SGCZ: variants seen among roughly 807,000 people sequenced by gnomAD.
SGCZ encodes the protein sarcoglycan zeta.
SGCZ carries 40 observed loss-of-function variants against 41.3 expected under a neutral mutation model. The observed-to-expected ratio is 0.97, with a 90% confidence interval of 0.75 to 1.26. The LOEUF (loss-of-function observed/expected upper bound fraction) is 1.26, where lower values mean the gene tolerates loss of function less well. Among genes scored for constraint, SGCZ ranks in the 50% most tolerant of loss-of-function variants. The pLI, the probability that SGCZ is intolerant of heterozygous loss-of-function variation, is 0.00. For synonymous variants in SGCZ, 206 were observed against 137.5 expected (o/e 1.50, Z -3.49); for missense variants, 552 against 369.8 (o/e 1.49, Z -4.04).
chr8:14,896,089 C>T (rs140385654), intron 1 of SGCZ, among the ~76,000 whole-genome samples: 1 of 152,166 alleles, frequency 6.6e-6, no homozygotes, highest in Non-Finnish European at 1.5e-5. Context: ...TCATTAAAAT[C>T]AACTAGTTTT....
At chr8:14,595,441 A>ACACACACC (rs1223345084) in intron 1 of SGCZ, among the ~76,000 whole-genome samples, 3 of 148,132 alleles carry the variant, frequency 2.0e-5, no homozygotes, top group African/African-American at 7.5e-5. Flanking sequence ...ACACACACAC[A>ACACACACC]CCATGTACTG....
At chr8:14,618,365 T>A (rs1005310570) in intron 1 of SGCZ, among the ~76,000 whole-genome samples, 2 of 152,052 alleles carry the variant, frequency 1.3e-5, no homozygotes, top group African/African-American at 4.8e-5. Flanking sequence ...AGAACGGAAT[T>A]AGAACTGGGA....
intron 1 of SGCZ, among the ~76,000 whole-genome samples, chr8:14,863,113 C>T (rs1264970915): frequency 6.6e-6 from 1 of 152,114 alleles, no homozygotes; most frequent in East Asian, 1.9e-4. Context: ...GAAACACTGA[C>T]TTGCCTTAGG....
At chr8:14,333,793 T>C (rs1264300239) in intron 2 of SGCZ, among the ~76,000 whole-genome samples, 1 of 152,120 alleles carries the variant, frequency 6.6e-6, no homozygotes, top group East Asian at 1.9e-4. Flanking sequence ...GAATTATTCA[T>C]ATTTTACCAA....
intron 2 of SGCZ, among the ~76,000 whole-genome samples, chr8:14,476,718 C>T (rs1034569828): frequency 1.3e-5 from 2 of 152,116 alleles, no homozygotes; most frequent in African/African-American, 4.8e-5. Flanking sequence ...GGTGAGATAG[C>T]TATTAAGATT....
At chr8:14,726,341 T>TATATATATATATATATAA (rs1426005706) in intron 1 of SGCZ, among the ~76,000 whole-genome samples, 3 of 144,534 alleles carry the variant, frequency 2.1e-5, no homozygotes, top group Non-Finnish European at 4.5e-5. Flanking sequence ...TATATATATA[T>TATATATATATATATATAA]AAAATTAGAT....
intron 7 of SGCZ, 144 bp downstream of exon 7, chr8:14,102,232 C>A: frequency 1.1e-6 from 1 of 927,776 alleles, no homozygotes; most frequent in East Asian, 3.2e-5. Context: ...ATATGGTAAC[C>A]TAATATTACT....
intron 2 of SGCZ, among the ~76,000 whole-genome samples, chr8:14,527,388 A>G (rs10098368): frequency 0.07 from 10,593 of 152,144 alleles, 668 homozygotes; most frequent in African/African-American, 0.17. Flanking sequence ...TGCAACCTCA[A>G]ACTCCTGGGC....
intron 3 of SGCZ, among the ~76,000 whole-genome samples, chr8:14,266,621 T>A (rs950637855): frequency 6.6e-6 from 1 of 152,000 alleles, no homozygotes; most frequent in Non-Finnish European, 1.5e-5. Context: ...GATCACGATG[T>A]GAAAATGTAG....
At chr8:14,331,132 T>C (rs566970235) in intron 2 of SGCZ, among the ~76,000 whole-genome samples, 135 of 151,916 alleles carry the variant, frequency 8.9e-4, no homozygotes, top group African/African-American at 3.1e-3. Flanking sequence ...CGAGACAACT[T>C]GGAGTTTGGT....
At chr8:14,429,751 C>T (rs933616079) in intron 2 of SGCZ, among the ~76,000 whole-genome samples, 3 of 149,786 alleles carry the variant, frequency 2.0e-5, no homozygotes, top group Non-Finnish European at 3.0e-5. Flanking sequence ...TGATCTCGGC[C>T]AGCATATTTA....
chr8:14,285,568 G>T (rs1160129203), intron 3 of SGCZ, among the ~76,000 whole-genome samples: 1 of 103,940 alleles, frequency 9.6e-6, no homozygotes, highest in Non-Finnish European at 2.0e-5. Flanking sequence ...TATCTAAAGT[G>T]TTGATTTTTA....
At chr8:14,903,322 G>A (rs17654609) in intron 1 of SGCZ, among the ~76,000 whole-genome samples, 1 of 152,084 alleles carries the variant, frequency 6.6e-6, no homozygotes, top group Non-Finnish European at 1.5e-5. Context: ...TGCAGCAGCA[G>A]AGAAATTTTA....
chr8:14,330,168 A>G (rs987845104), intron 2 of SGCZ, among the ~76,000 whole-genome samples: 2 of 152,116 alleles, frequency 1.3e-5, no homozygotes, highest in Non-Finnish European at 2.9e-5. Context: ...ATTTTAGTTA[A>G]CTGTGTATAC....
intron 1 of SGCZ, among the ~76,000 whole-genome samples, chr8:14,708,812 A>T (rs1233918675): frequency 5.4e-5 from 8 of 148,694 alleles, no homozygotes; most frequent in East Asian, 2.0e-4. Flanking sequence ...GTTTTATTCG[A>T]GTGTGTGTGT....
At chr8:14,329,955 A>C (rs1802255474) in intron 2 of SGCZ, among the ~76,000 whole-genome samples, 1 of 152,054 alleles carries the variant, frequency 6.6e-6, no homozygotes, top group South Asian at 2.1e-4. Context: ...TTTGCCATCA[A>C]AATTTCTTGA....
At chr8:15,147,417 T>C (rs1276396382) in intron 1 of SGCZ, among the ~76,000 whole-genome samples, 6 of 152,154 alleles carry the variant, frequency 3.9e-5, no homozygotes, top group African/African-American at 7.2e-5. Context: ...TAACTGGGAT[T>C]ACAGGCATGC....
intron 7 of SGCZ, among the ~76,000 whole-genome samples, chr8:14,094,991 G>GTAAC (rs1801799089): frequency 6.7e-6 from 1 of 148,174 alleles, no homozygotes; most frequent in South Asian, 2.1e-4. Flanking sequence ...TTTTTTTCTT[G>GTAAC]TAACTTTAAG....
intron 1 of SGCZ, among the ~76,000 whole-genome samples, chr8:15,141,248 TA>T (rs1362113583): frequency 6.6e-6 from 1 of 152,254 alleles, no homozygotes; most frequent in African/African-American, 2.4e-5. Flanking sequence ...GGACTGGTGG[TA>T]GGGGTTGTGG....
Sources: allele counts gnomAD v4.1 joint callset (sites outside exome capture counted in the v4.1 genomes callset), GRCh38; gene constraint gnomAD v4.1.1; transcripts MANE v1.5; gene names NCBI Gene and HGNC (gene_info 2026-07-23, HGNC 2026-07-21).